The following ZDHHC14 variants were observed in gnomAD, a reference collection of about 807,000 sequenced individuals.
ZDHHC14 encodes palmitoyltransferase ZDHHC14.
In ZDHHC14, 16 loss-of-function variants were observed where a neutral mutation model predicts 47.7. That is an observed-to-expected ratio of 0.34 (90% confidence interval 0.23 to 0.51). The LOEUF (loss-of-function observed/expected upper bound fraction) is 0.51. Ranked by LOEUF, ZDHHC14 falls within the 20% of genes least tolerant of loss-of-function variation. ZDHHC14 has a pLI of 0.97. For missense variants in ZDHHC14, 515 were observed against 662.5 expected (o/e 0.78, Z 2.44); for synonymous variants, 293 against 278.9 (o/e 1.05, Z -0.50).
chr6:157,643,784 A>G (rs1777381275), intron 5 of ZDHHC14, among the ~76,000 whole-genome samples: 2 of 150,906 alleles, frequency 1.3e-5, no homozygotes, highest in South Asian at 2.1e-4. Flanking sequence ...AAGGAGCTGC[A>G]GCCACTTTCA....
chr6:157,494,519 T>C (rs370740026), intron 1 of ZDHHC14, among the ~76,000 whole-genome samples: 1 of 152,322 alleles, frequency 6.6e-6, no homozygotes, highest in East Asian at 1.9e-4. Flanking sequence ...GGAAACAACA[T>C]GTGGCCTGGA....
intron 1 of ZDHHC14, among the ~76,000 whole-genome samples, chr6:157,405,514 G>A (rs983851171): frequency 5.9e-5 from 9 of 152,142 alleles, no homozygotes; most frequent in Non-Finnish European, 1.2e-4. Context: ...TTACAGGCGT[G>A]AGCCACCGTG....
At chr6:157,478,555 T>C (rs897636972) in intron 1 of ZDHHC14, among the ~76,000 whole-genome samples, 8 of 152,228 alleles carry the variant, frequency 5.3e-5, no homozygotes, top group African/African-American at 1.9e-4. Context: ...AATGACTGGA[T>C]TGGCTTTCAC....
intron 1 of ZDHHC14, among the ~76,000 whole-genome samples, chr6:157,475,228 C>T (rs1382746364): frequency 6.6e-6 from 1 of 152,046 alleles, no homozygotes; most frequent in Non-Finnish European, 1.5e-5. Flanking sequence ...TTCCATTGGC[C>T]AATATGTCTG....
At chr6:157,395,077 G>A (rs1249627762) in intron 1 of ZDHHC14, among the ~76,000 whole-genome samples, 1 of 148,854 alleles carries the variant, frequency 6.7e-6, no homozygotes, top group African/African-American at 2.5e-5. Flanking sequence ...TGGGAAAGTA[G>A]TGAGTACTGA....
At chr6:157,630,276 G>A (rs1445316086) in intron 4 of ZDHHC14, 1 of 152,142 alleles carries the variant, frequency 6.6e-6, no homozygotes, top group African/African-American at 2.4e-5. Flanking sequence ...CACCCCACCC[G>A]GCCTAGACAT....
chr6:157,501,468 T>G lies in ZDHHC14; in HGVS notation c.246-41117T>G, dbSNP rs527238746. Among the ~76,000 whole-genome samples, 3 of 152,368 alleles carry G rather than the reference T, an allele frequency of 2.0e-5. No individual in the cohort carries two copies. The South Asian group carries it at 6.2e-4, about 32-fold the overall frequency. The stretch of plus-strand genomic sequence containing the variant: ...TCTAAATTAGCTGTATCTTTCTTAT[T>G]CTTTAAGATTGCATTTACGGCCTGT... On this transcript the variant is annotated intron_variant, in intron 1 of 8. Coordinates refer to ENST00000359775, the MANE Select transcript of ZDHHC14 (RefSeq NM_024630.3).
At chr6:157,497,109 G>A (rs1294763837) in intron 1 of ZDHHC14, among the ~76,000 whole-genome samples, 2 of 152,154 alleles carry the variant, frequency 1.3e-5, no homozygotes. Context: ...GGAAACAGAA[G>A]GTGAAATTAA....
chr6:157,534,165 T>G (rs971428295), intron 1 of ZDHHC14, among the ~76,000 whole-genome samples: 1 of 152,130 alleles, frequency 6.6e-6, no homozygotes, highest in African/African-American at 2.4e-5. Context: ...TGCTGTTTAG[T>G]GCCAGGACAA....
At chr6:157,436,198 G>A (rs9456347) in intron 1 of ZDHHC14, among the ~76,000 whole-genome samples, 9,277 of 152,186 alleles carry the variant, frequency 0.061, 381 homozygotes, top group African/African-American at 0.12. Flanking sequence ...TAATGTTTCC[G>A]ATCCTCCTTT....
intron 7 of ZDHHC14, among the ~76,000 whole-genome samples, chr6:157,648,677 A>G (rs1777676113): frequency 6.6e-6 from 1 of 152,234 alleles, no homozygotes; most frequent in Non-Finnish European, 1.5e-5. Flanking sequence ...GGAGCTGCTC[A>G]GACCACAGGG....
intron 1 of ZDHHC14, among the ~76,000 whole-genome samples, chr6:157,523,753 T>C (rs999922984): frequency 1.3e-5 from 2 of 150,300 alleles, no homozygotes; most frequent in Admixed American, 1.3e-4. Context: ...GGAAAAAAAT[T>C]AGCCAGGGAC....
intron 1 of ZDHHC14, among the ~76,000 whole-genome samples, chr6:157,393,602 T>C (rs892190219): frequency 5.9e-5 from 9 of 152,248 alleles, no homozygotes; most frequent in African/African-American, 1.9e-4. Flanking sequence ...TGTGTGTTCC[T>C]GGCAACTTCC....
chr6:157,540,174 AATCTACAGTGTATT>A (rs1781693517), intron 1 of ZDHHC14, among the ~76,000 whole-genome samples: 1 of 152,182 alleles, frequency 6.6e-6, no homozygotes, highest in South Asian at 2.1e-4. Flanking sequence ...TGCAAATACC[AATCTACAGTGTATT>A]ATCCCTGCAG....
At position 157,427,092 on chromosome 6, in the gene ZDHHC14, G is replaced by T. The variant is rs1778238647; in HGVS notation, c.245+44826G>T. On this transcript the variant is annotated intron_variant, in intron 1 of 8. Transcript: ENST00000359775. This position sits in a 1 kb window ranked among gnomAD's most constrained non-coding sequence, Gnocchi z 4.4. ...GGTGGCAGGGGAGCAAGGGCCCCAGGGAGAAGAGAGGGAAGGAAGAGGGCG... is the reference window on the plus strand; with the variant it reads ...GGTGGCAGGGGAGCAAGGGCCCCAGTGAGAAGAGAGGGAAGGAAGAGGGCG... Among the ~76,000 whole-genome samples the T allele has an allele frequency of 6.6e-6, 1 of 152,132 alleles. No individual in the cohort carries two copies. Among genetic ancestry groups the T allele is most frequent in the African/African-American group, 2.4e-5 (1 of 41,422 alleles).
rs996244814 is a variant in ZDHHC14, at chr6:157,576,222, T to G, written c.407-16766T>G. 2.0e-5 allele frequency among the ~76,000 whole-genome samples: 3 copies of G among 152,364 alleles called. No individual in the cohort carries two copies. In the East Asian group the frequency reaches 5.8e-4, roughly 29 times the overall value. ...GGAGGACTGGGGGCCTTGCCTTTTCTTGAGTCTTCCTGTGCATATCTGTAT... is the reference window on the plus strand; with the variant it reads ...GGAGGACTGGGGGCCTTGCCTTTTCGTGAGTCTTCCTGTGCATATCTGTAT... On this transcript the variant is annotated intron_variant, in intron 2 of 8. Transcript: ENST00000359775.
At chr6:157,588,097 A>G (rs1783763337) in intron 2 of ZDHHC14, among the ~76,000 whole-genome samples, 1 of 152,016 alleles carries the variant, frequency 6.6e-6, no homozygotes, top group African/African-American at 2.4e-5. Context: ...TCTCTACTAA[A>G]AAAAACACAA....
intron 1 of ZDHHC14, among the ~76,000 whole-genome samples, chr6:157,525,310 A>G (rs1781117590): frequency 6.6e-6 from 1 of 152,140 alleles, no homozygotes; most frequent in Non-Finnish European, 1.5e-5. Context: ...ACAGGCGTGC[A>G]TCACCATGGC....
chr6:157,588,475 C>A (rs1472036902), intron 2 of ZDHHC14, among the ~76,000 whole-genome samples: 2 of 152,048 alleles, frequency 1.3e-5, no homozygotes, highest in Admixed American at 1.3e-4. Flanking sequence ...AAAAAATATA[C>A]ATTTTTTAAA....
Sources: gnomAD v4.1 joint callset for allele counts (sites outside exome capture counted in the v4.1 genomes callset) on GRCh38, gnomAD v4.1.1 for gene constraint, Gnocchi (gnomAD v3.1) non-coding constraint, MANE v1.5 for transcripts, NCBI Gene and HGNC (gene_info 2026-07-23, HGNC 2026-07-21) for gene names.